OR6C1: variants seen among roughly 807,000 people sequenced by gnomAD.
OR6C1 encodes the protein olfactory receptor family 6 subfamily C member 1.
For synonymous variants in OR6C1, 157 were observed against 133.3 expected, an observed-to-expected ratio of 1.18 and a Z score of -1.22; for missense variants, 386 against 366.1, an observed-to-expected ratio of 1.05 and a Z score of -0.44.
Position 55,318,371 on chromosome 12 carries a change from G to A in OR6C1, c.-33-2196G>A, listed in dbSNP as rs1002683948. ...TTTACTTGCCTAGAATATCTGACAG[G>A]TACTATGAAACCTGGTGACTTTTTT... On this transcript the variant is annotated intron_variant, in intron 1 of 1. Coordinates refer to ENST00000642104, the MANE Select transcript of OR6C1 (RefSeq NM_001005182.2). 2.6e-5 allele frequency among the ~76,000 whole-genome samples: 4 copies of A among 151,640 alleles called. No individual in the cohort carries two copies. The South Asian group carries it at 8.3e-4, about 32-fold the overall frequency.
Position 55,321,205 on chromosome 12 carries a change from G to C in OR6C1, c.606G>C (p.Ala202=). Residue 202 remains alanine, a synonymous_variant, in exon 2 of 2, where the codon GCG becomes GCC. Transcript: ENST00000642104. ...FLEVMGFSCA[A]FTLMFTLALI... is the part of the protein sequence containing the mutation. ...AGGTGATGGGATTTTCTTGTGCTGC[G>C]TTTACTCTAATGTTCACTTTGGCAT... 1 of 1,613,842 alleles carries C rather than the reference G, an allele frequency of 6.2e-7. No homozygotes were observed. The highest frequency in any genetic ancestry group is 8.5e-7 in the Non-Finnish European group (1 of 1,179,846).
chr12:55,320,056 G>A (rs1226618113), intron 1 of OR6C1, among the ~76,000 whole-genome samples: 6 of 151,976 alleles, frequency 3.9e-5, no homozygotes, highest in East Asian at 3.9e-4. Flanking sequence ...CAGGAGAATC[G>A]CTTGAACCCA....
rs1868549268 is a variant in OR6C1 at position 55,321,290 on chromosome 12, C to A, written c.691C>A (p.Gln231Lys). The A allele has an allele frequency of 1.9e-6, 3 of 1,613,140 alleles. No individual in the cohort carries two copies. Among genetic ancestry groups the A allele is most frequent in the African/African-American group, 1.3e-5 (1 of 74,914 alleles). ...AATTTTGAGAATTCCTTCTACTAGTCAGAGGACAAAGGCCTTTTCCACATG... is the reference window on the plus strand; with the variant it reads ...AATTTTGAGAATTCCTTCTACTAGTAAGAGGACAAAGGCCTTTTCCACATG... ...RTILRIPSTS[Q>K]RTKAFSTCSS... Residue 231 changes from glutamine to lysine, a missense_variant, in exon 2 of 2, where the codon CAG (glutamine) becomes AAG (lysine). By Grantham distance (53) the Gln-to-Lys change is moderately conservative. Transcript: ENST00000642104.
In OR6C1 at chr12:55,321,217, G is replaced by A. The variant is rs770343880; in HGVS notation, c.618G>A (p.Met206Ile). Reference protein sequence around the residue: ...MGFSCAAFTLMFTLALIFLSY... With the variant: ...MGFSCAAFTLIFTLALIFLSY... The stretch of plus-strand genomic sequence containing the variant: ...TTTCTTGTGCTGCGTTTACTCTAAT[G>A]TTCACTTTGGCATTAATATTTCTGT... Residue 206 changes from methionine (M) to isoleucine (I), a missense_variant, in exon 2 of 2, where the codon ATG becomes ATA. Transcript: ENST00000642104. The A allele has an allele frequency of 6.2e-7, 1 of 1,613,894 alleles. No individual in the cohort carries two copies. The highest frequency in any genetic ancestry group is 8.5e-7 in the Non-Finnish European group (1 of 1,179,856).
At chr12:55,315,552 T>C (rs1374188969) in intron 1 of OR6C1, among the ~76,000 whole-genome samples, 2 of 151,778 alleles carry the variant, frequency 1.3e-5, no homozygotes, top group Admixed American at 6.6e-5. Flanking sequence ...CACACTTGTA[T>C]GAAGGTTGAG....
chr12:55,314,551 T>C lies in OR6C1; in HGVS notation c.-82T>C, dbSNP rs1868381439. On this transcript the variant is annotated 5_prime_UTR_variant, in exon 1 of 2. Coordinates refer to ENST00000642104, the MANE Select transcript of OR6C1 (RefSeq NM_001005182.2). Reference sequence around the variant, plus strand: ...TAGCAATGGCATTTGCTAATATCTCTACTATTCCAGCCATTCTGAATGTTA... The same window carrying C: ...TAGCAATGGCATTTGCTAATATCTCCACTATTCCAGCCATTCTGAATGTTA... 1 of 151,618 alleles carries C rather than the reference T, an allele frequency of 6.6e-6. No individual in the cohort carries two copies. Among genetic ancestry groups the C allele is most frequent in the Non-Finnish European group, 1.5e-5 (1 of 67,686 alleles). The allele number at this position is 151,618 out of a possible 1,614,324, so 9.4% of individuals were successfully genotyped here.
chr12:55,321,514 G>C lies in OR6C1; in HGVS notation c.915G>C (p.Lys305Asn), dbSNP rs560883365. The change falls in exon 2 of 2, where the codon AAG (lysine) becomes AAC (asparagine). Residue 305 changes from lysine (K) to asparagine (N), a missense_variant. Lys to Asn is a moderately conservative substitution (Grantham distance 94). Coordinates refer to ENST00000642104, the MANE Select transcript of OR6C1 (RefSeq NM_001005182.2). ...AAGCTTTCATTAACATGGCAAGGAA[G>C]ACTGTATTTTTCACAAGCACATGAA... ...VKQAFINMAR[K>N]TVFFTST The C allele has an allele frequency of 6.2e-7, 1 of 1,611,686 alleles. No individual in the cohort carries two copies.
At chr12:55,316,860 TA>T (rs1868418192) in intron 1 of OR6C1, among the ~76,000 whole-genome samples, 1 of 151,936 alleles carries the variant, frequency 6.6e-6, no homozygotes, top group Non-Finnish European at 1.5e-5. Flanking sequence ...TGGAAGTGTC[TA>T]TTTTTTTTGT....
At chr12:55,316,136 G>A (rs954823651) in intron 1 of OR6C1, among the ~76,000 whole-genome samples, 7 of 142,032 alleles carry the variant, frequency 4.9e-5, no homozygotes, top group Non-Finnish European at 9.1e-5. Flanking sequence ...CACACCCCCC[G>A]AGAGAATAAT....
chr12:55,321,046 T>C lies in OR6C1; in HGVS notation c.447T>C (p.Val149=), dbSNP rs1188546729. The C allele has an allele frequency of 2.5e-6, 4 of 1,613,686 alleles. No homozygotes were observed. The South Asian group carries it at 4.4e-5, about 18-fold the overall frequency. ...CTLLVFTSWL[V]SFLIIFPALM... is the part of the protein sequence containing the mutation. ...TGCTTGTTTTTACTTCTTGGCTGGT[T>C]TCATTCTTAATCATATTCCCAGCAC... Residue 149 remains valine, a synonymous_variant, in exon 2 of 2, where the codon GTT becomes GTC. Coordinates refer to ENST00000642104, the MANE Select transcript of OR6C1 (RefSeq NM_001005182.2).
chr12:55,315,586 G>A (rs1048437951), intron 1 of OR6C1, among the ~76,000 whole-genome samples: 34 of 151,638 alleles, frequency 2.2e-4, no homozygotes, highest in Non-Finnish European at 3.2e-4. Context: ...CATCATTATC[G>A]AAAGGAAGAA....
chr12:55,322,003 G>C lies in OR6C1; in HGVS notation c.*465G>C, dbSNP rs1868575422. On this transcript the variant is annotated 3_prime_UTR_variant, in exon 2 of 2. Coordinates refer to ENST00000642104, the MANE Select transcript of OR6C1 (RefSeq NM_001005182.2). Reference sequence around the variant, plus strand: ...TTAAAAAATGTAAGTGAATTCATTTGAAAAGCAAAAAAAAATTTCATTACT... The same window carrying C: ...TTAAAAAATGTAAGTGAATTCATTTCAAAAGCAAAAAAAAATTTCATTACT... 1.3e-5 allele frequency: 2 copies of C among 151,624 alleles called. No homozygotes were observed. Among genetic ancestry groups the C allele is most frequent in the South Asian group, 4.1e-4 (2 of 4,820 alleles). The allele number at this position is 151,624 out of a possible 1,614,324, so 9.4% of individuals were successfully genotyped here.
Position 55,321,363 on chromosome 12 carries a change from T to A in OR6C1, c.764T>A (p.Phe255Tyr). ...VVSISYGSCI[F>Y]MYIKPSAKDR... Reference sequence around the variant, plus strand: ...TCCATCTCTTATGGCAGCTGCATTTTTATGTACATTAAACCCTCAGCAAAA... The same window carrying A: ...TCCATCTCTTATGGCAGCTGCATTTATATGTACATTAAACCCTCAGCAAAA... Residue 255 changes from phenylalanine to tyrosine, a missense_variant, in exon 2 of 2, where the codon TTT becomes TAT. Physicochemically the swap from Phe to Tyr is conservative, Grantham distance 22. Transcript: ENST00000642104. 1 of 1,613,998 alleles carries A rather than the reference T, an allele frequency of 6.2e-7. No homozygotes were observed.
Position 55,321,372 on chromosome 12 carries a change from T to C in OR6C1, c.773T>C (p.Ile258Thr). ...ISYGSCIFMY[I>T]KPSAKDRVSL... ...TATGGCAGCTGCATTTTTATGTACATTAAACCCTCAGCAAAAGATAGAGTG... is the reference window on the plus strand; with the variant it reads ...TATGGCAGCTGCATTTTTATGTACACTAAACCCTCAGCAAAAGATAGAGTG... The change falls in exon 2 of 2, where the codon ATT (isoleucine) becomes ACT (threonine). Residue 258 changes from isoleucine to threonine, a missense_variant. Coordinates refer to ENST00000642104, the MANE Select transcript of OR6C1 (RefSeq NM_001005182.2). The C allele has an allele frequency of 6.2e-7, 1 of 1,614,010 alleles. No homozygotes were observed. Among genetic ancestry groups the C allele is most frequent in the Non-Finnish European group, 8.5e-7 (1 of 1,179,926 alleles).
At position 55,318,862 on chromosome 12, in the gene OR6C1, T is replaced by G. The variant is rs1044567570; in HGVS notation, c.-33-1705T>G. On this transcript the variant is annotated intron_variant, in intron 1 of 1. Transcript: ENST00000642104. ...GTGATTTTCAGACGTAGTAAATGGGTTGGATTCAAAACTAGATAACCTCAC... is the reference window on the plus strand; with the variant it reads ...GTGATTTTCAGACGTAGTAAATGGGGTGGATTCAAAACTAGATAACCTCAC... 2.6e-5 allele frequency among the ~76,000 whole-genome samples: 4 copies of G among 151,422 alleles called. No individual in the cohort carries two copies. The South Asian group carries it at 8.3e-4, about 31-fold the overall frequency.
At chr12:55,317,877 T>C (rs906718623) in intron 1 of OR6C1, among the ~76,000 whole-genome samples, 6 of 148,902 alleles carry the variant, frequency 4.0e-5, no homozygotes, top group Non-Finnish European at 5.9e-5. Flanking sequence ...TGGGATGTCA[T>C]TACAATGTAT....
In OR6C1 at chr12:55,320,752, C is replaced by T. The variant is rs201997999; in HGVS notation, c.153C>T (p.Ser51=). The T allele has an allele frequency of 6.2e-7, 1 of 1,614,060 alleles. No individual in the cohort carries two copies. Among genetic ancestry groups the T allele is most frequent in the South Asian group, 1.1e-5 (1 of 91,072 alleles). The change falls in exon 2 of 2, where the codon TCC becomes TCT. Residue 51 remains serine, a synonymous_variant. Coordinates refer to ENST00000642104, the MANE Select transcript of OR6C1 (RefSeq NM_001005182.2). ...TTATCACAATTACCCTGCTGGATTC[C>T]CACCTGCAGACCCCCATGTATTTCT... is the stretch of plus-strand genomic sequence containing the variant. ...LTLITITLLD[S]HLQTPMYFFL... is the part of the protein sequence containing the mutation.
chr12:55,321,014 T>C lies in OR6C1; in HGVS notation c.415T>C (p.Cys139Arg), dbSNP rs756058900. 2.7e-5 allele frequency: 44 copies of C among 1,613,766 alleles called. No individual in the cohort carries two copies. The highest frequency in any genetic ancestry group is 5.0e-5 in the Admixed American group (3 of 59,962). The change falls in exon 2 of 2, where the codon TGC (cysteine) becomes CGC (arginine). Residue 139 changes from cysteine to arginine, a missense_variant. Cys to Arg is a radical substitution (Grantham distance 180). Coordinates refer to ENST00000642104, the MANE Select transcript of OR6C1 (RefSeq NM_001005182.2). The part of the protein sequence containing the change: ...HCLSIMNRRV[C>R]TLLVFTSWLV... ...CTTGAGTATCATGAATCGAAGAGTCTGCACACTGCTTGTTTTTACTTCTTG... is the reference window on the plus strand; with the variant it reads ...CTTGAGTATCATGAATCGAAGAGTCCGCACACTGCTTGTTTTTACTTCTTG...
rs564354584 is a variant in OR6C1 at position 55,318,161 on chromosome 12, G to A, written c.-33-2406G>A. Among the ~76,000 whole-genome samples the A allele has an allele frequency of 4.0e-5, 6 of 151,678 alleles. No homozygotes were observed. The East Asian group carries it at 1.2e-3, about 29-fold the overall frequency. The stretch of plus-strand genomic sequence containing the variant: ...GAGCAGAGAAAATAACTGGCTGTGA[G>A]TAGCAATGTTGACAAGCTATGAACA... On this transcript the variant is annotated intron_variant, in intron 1 of 1. Transcript: ENST00000642104.
Sources: allele counts gnomAD v4.1 joint callset (sites outside exome capture counted in the v4.1 genomes callset), GRCh38; gene constraint gnomAD v4.1.1; transcripts MANE v1.5; gene names NCBI Gene and HGNC (gene_info 2026-07-23, HGNC 2026-07-21).